STPG2: variants seen among roughly 807,000 people sequenced by gnomAD.
STPG2 encodes sperm tail PG-rich repeat containing 2.
Under a neutral mutation model 54.2 loss-of-function variants are expected in STPG2, and 56 were observed. The ratio of observed to expected loss-of-function variants is 1.03; its 90% CI spans 0.83 to 1.29. STPG2 has a LOEUF of 1.29. Ranked by LOEUF, STPG2 falls within the 50% of genes most tolerant of loss-of-function variation. The pLI is 0.00. For missense variants in STPG2, 596 were observed against 544.9 expected (o/e 1.09, Z -0.93); for synonymous variants, 200 against 181.8 (o/e 1.10, Z -0.81).
intron 4 of STPG2, among the ~76,000 whole-genome samples, chr4:97,509,814 T>C (rs1730933365): frequency 6.6e-6 from 1 of 152,046 alleles, no homozygotes. Flanking sequence ...CATAATAAGG[T>C]AATCCGGGTA....
At chr4:97,808,128 A>T (rs932647689) in intron 9 of STPG2, among the ~76,000 whole-genome samples, 9 of 152,000 alleles carry the variant, frequency 5.9e-5, no homozygotes, top group African/African-American at 2.2e-4. Context: ...CTAAAAGACT[A>T]AAGAGTATAC....
intron 9 of STPG2, among the ~76,000 whole-genome samples, chr4:97,788,342 T>C (rs1726889899): frequency 6.6e-6 from 1 of 152,112 alleles, no homozygotes; most frequent in Non-Finnish European, 1.5e-5. Flanking sequence ...TTTCTTTGCC[T>C]GGCTTATTTC....
At chr4:97,868,032 CT>C (rs1481817500) in intron 8 of STPG2, among the ~76,000 whole-genome samples, 2 of 151,894 alleles carry the variant, frequency 1.3e-5, no homozygotes, top group African/African-American at 4.8e-5. Context: ...CTTGAAGTAT[CT>C]GCCACACATA....
intron 5 of STPG2, among the ~76,000 whole-genome samples, chr4:98,007,186 C>T (rs1735602547): frequency 1.3e-5 from 2 of 152,198 alleles, no homozygotes; most frequent in Admixed American, 1.3e-4. Context: ...CCTATTGCAC[C>T]ACTGCAGCCA....
intron 4 of STPG2, among the ~76,000 whole-genome samples, chr4:97,541,203 T>C (rs1218983939): frequency 2.0e-5 from 3 of 152,114 alleles, no homozygotes; most frequent in Non-Finnish European, 2.9e-5. Context: ...GATGACATGA[T>C]TGTATATCTA....
chr4:97,571,613 A>G (rs1019380900), intron 10 of STPG2, among the ~76,000 whole-genome samples: 1 of 152,106 alleles, frequency 6.6e-6, no homozygotes, highest in African/African-American at 2.4e-5. Context: ...CAACCAGAAA[A>G]CATTTAAATT....
chr4:97,866,355 T>C (rs1729779240), intron 8 of STPG2, among the ~76,000 whole-genome samples: 2 of 152,112 alleles, frequency 1.3e-5, no homozygotes, highest in South Asian at 4.2e-4. Context: ...AAGTATCTCA[T>C]ATACCCCATA....
intron 8 of STPG2, among the ~76,000 whole-genome samples, chr4:97,893,474 G>A (rs1730844470): frequency 6.6e-6 from 1 of 151,950 alleles, no homozygotes; most frequent in African/African-American, 2.4e-5. Flanking sequence ...GAAATTCAGG[G>A]CTGATATAAC....
At chr4:97,595,557 C>T (rs1733266799) in intron 10 of STPG2, among the ~76,000 whole-genome samples, 1 of 151,490 alleles carries the variant, frequency 6.6e-6, no homozygotes, top group Non-Finnish European at 1.5e-5. Flanking sequence ...ATGTAACAAA[C>T]CTGCATGTTG....
intron 5 of STPG2, among the ~76,000 whole-genome samples, chr4:98,024,469 A>C (rs1262377745): frequency 1.3e-5 from 2 of 152,186 alleles, no homozygotes; most frequent in Non-Finnish European, 2.9e-5. Flanking sequence ...ATGTCCTATA[A>C]AATTAAATCA....
intron 8 of STPG2, among the ~76,000 whole-genome samples, chr4:97,934,964 T>G (rs1732694643): frequency 6.6e-6 from 1 of 152,114 alleles, no homozygotes; most frequent in African/African-American, 2.4e-5. Context: ...TAGTAGAATT[T>G]GTCTGTGAAT....
chr4:97,738,234 T>C (rs1392818614), intron 9 of STPG2, among the ~76,000 whole-genome samples: 1 of 152,020 alleles, frequency 6.6e-6, no homozygotes, highest in Admixed American at 6.6e-5. Context: ...AAAGGAACAA[T>C]GGGTACCAGC....
intron 7 of STPG2, among the ~76,000 whole-genome samples, chr4:97,947,086 T>C (rs1733257620): frequency 6.6e-6 from 1 of 152,144 alleles, no homozygotes. Context: ...GTTTTGTAGT[T>C]CTCCTTGTAG....
At chr4:97,891,489 T>TA (rs57870364) in intron 8 of STPG2, among the ~76,000 whole-genome samples, 22 of 150,788 alleles carry the variant, frequency 1.5e-4, no homozygotes, top group South Asian at 4.2e-4. Context: ...AGCAGGTAAC[T>TA]AAAAAAAAAT....
intron 4 of STPG2, among the ~76,000 whole-genome samples, chr4:97,449,190 ATT>A (rs1225920305): frequency 6.6e-6 from 1 of 152,142 alleles, no homozygotes; most frequent in African/African-American, 2.4e-5. Flanking sequence ...GAAATCTAAA[ATT>A]TCTTTTAAAA....
At chr4:97,870,573 T>C (rs1729948968) in intron 8 of STPG2, among the ~76,000 whole-genome samples, 2 of 151,412 alleles carry the variant, frequency 1.3e-5, no homozygotes, top group African/African-American at 4.8e-5. Context: ...AAAGTATTAA[T>C]TGTAATGAAG....
intron 10 of STPG2, among the ~76,000 whole-genome samples, chr4:97,705,783 A>C (rs1234985704): frequency 6.6e-6 from 1 of 151,966 alleles, no homozygotes; most frequent in Non-Finnish European, 1.5e-5. Flanking sequence ...ATTGCTATAT[A>C]GTTGAGAATA....
intron 5 of STPG2, among the ~76,000 whole-genome samples, chr4:97,985,826 T>C (rs1209013412): frequency 6.6e-6 from 1 of 152,156 alleles, no homozygotes; most frequent in Non-Finnish European, 1.5e-5. Flanking sequence ...ATATATCAGA[T>C]TAACAGAAAT....
intron 5 of STPG2, among the ~76,000 whole-genome samples, chr4:98,029,678 C>T (rs1444248679): frequency 1.3e-5 from 2 of 152,118 alleles, no homozygotes; most frequent in Non-Finnish European, 2.9e-5. Context: ...GGGTTGCGTG[C>T]TCTTATTCTC....
Sources: allele counts gnomAD v4.1 joint callset (sites outside exome capture counted in the v4.1 genomes callset), GRCh38; gene constraint gnomAD v4.1.1; transcripts MANE v1.5; gene names NCBI Gene and HGNC (gene_info 2026-07-23, HGNC 2026-07-21).